The following KHDRBS2 variants were observed in gnomAD, a reference collection of about 807,000 sequenced individuals.
KHDRBS2 encodes KH domain-containing, RNA-binding, signal transduction-associated protein 2.
A neutral mutation model predicts 44.3 loss-of-function variants in KHDRBS2; 26 were observed. That is an observed-to-expected ratio of 0.59 (90% CI 0.43 to 0.81). The LOEUF (loss-of-function observed/expected upper bound fraction) is 0.81. Ranked by LOEUF, KHDRBS2 falls within the 40% of genes least tolerant of loss-of-function variation. KHDRBS2 has a pLI of 0.00. For synonymous variants in KHDRBS2, 194 were observed against 151.1 expected, an observed-to-expected ratio of 1.28 and a Z score of -2.08; for missense variants, 476 against 433.1, an observed-to-expected ratio of 1.10 and a Z score of -0.88.
intron 7 of KHDRBS2, among the ~76,000 whole-genome samples, chr6:61,719,890 C>A (rs9444418): frequency 2.6e-5 from 4 of 152,038 alleles, no homozygotes; most frequent in Non-Finnish European, 4.4e-5. Context: ...AACTCGTCAT[C>A]TAGCATTAGG....
At chr6:61,596,540 AGT>A in the KHDRBS2 span, among the ~76,000 whole-genome samples, 40 of 152,176 alleles carry the variant, frequency 2.6e-4, no homozygotes, top group Middle Eastern at 3.4e-3. Flanking sequence ...GCTTCCAAAG[AGT>A]GTTTCTTTTC....
At chr6:61,552,444 C>T in the KHDRBS2 span, among the ~76,000 whole-genome samples, 2 of 152,074 alleles carry the variant, frequency 1.3e-5, no homozygotes, top group African/African-American at 2.4e-5. Context: ...GGTATAGAAT[C>T]GTATTGTCTG....
At chr6:62,190,436 A>G (rs1193587757) in intron 1 of KHDRBS2, among the ~76,000 whole-genome samples, 2 of 152,044 alleles carry the variant, frequency 1.3e-5, no homozygotes, top group Non-Finnish European at 2.9e-5. Flanking sequence ...TCTTGAGACC[A>G]TCAGTACTGC....
chr6:61,639,974 C>T, the KHDRBS2 span, among the ~76,000 whole-genome samples: 13 of 151,958 alleles, frequency 8.6e-5, no homozygotes, highest in Non-Finnish European at 1.6e-4. Context: ...GATGTGTGGA[C>T]CTTGTTTGGA....
In KHDRBS2 at chr6:61,698,207, A is replaced by G. The variant is rs538520825; in HGVS notation, c.894-954T>C. 1.2e-4 allele frequency among the ~76,000 whole-genome samples: 19 copies of G among 152,278 alleles called. No individual in the cohort carries two copies. The South Asian group carries it at 3.7e-3, about 30-fold the overall frequency. On this transcript the variant is annotated intron_variant, in intron 7 of 8. Transcript: ENST00000281156. ...ATTCTGCAAACATTTCACTTGCTTC[A>G]GATATCTCCTCTTTCATGGGTCTTC... is the stretch of plus-strand genomic sequence containing the variant.
intron 6 of KHDRBS2, among the ~76,000 whole-genome samples, chr6:61,738,065 T>C (rs561378183): frequency 1.3e-5 from 2 of 152,114 alleles, no homozygotes; most frequent in African/African-American, 2.4e-5. Flanking sequence ...TCTGAAATGA[T>C]ACTTTTTCCG....
chr6:62,244,317 G>A (rs907459457), intron 1 of KHDRBS2, among the ~76,000 whole-genome samples: 17 of 151,902 alleles, frequency 1.1e-4, no homozygotes, highest in Non-Finnish European at 7.4e-5. Flanking sequence ...AAATTTGATG[G>A]AACTTGCCTG....
intron 1 of KHDRBS2, among the ~76,000 whole-genome samples, chr6:62,266,293 G>C (rs573481094): frequency 6.6e-6 from 1 of 151,992 alleles, no homozygotes; most frequent in Admixed American, 6.6e-5. Flanking sequence ...ACGAGCCAGG[G>C]CCTATATATT....
intron 6 of KHDRBS2, chr6:61,816,885 T>C: frequency 2.2e-6 from 1 of 452,902 alleles, no homozygotes; most frequent in Non-Finnish European, 4.4e-6. Flanking sequence ...AACCATACAC[T>C]TTTACAATTT....
At chr6:61,550,295 G>T in the KHDRBS2 span, among the ~76,000 whole-genome samples, 1 of 152,094 alleles carries the variant, frequency 6.6e-6, no homozygotes, top group South Asian at 2.1e-4. Flanking sequence ...AGAACGTGTG[G>T]TATTTGGTTT....
At chr6:61,673,486 C>G in the KHDRBS2 span, among the ~76,000 whole-genome samples, 1 of 149,966 alleles carries the variant, frequency 6.7e-6, no homozygotes, top group Non-Finnish European at 1.5e-5. Flanking sequence ...GTCAAATTGT[C>G]CCTGTTTGCA....
intron 6 of KHDRBS2, among the ~76,000 whole-genome samples, chr6:61,868,637 A>G (rs1798133363): frequency 6.6e-6 from 1 of 151,800 alleles, no homozygotes; most frequent in African/African-American, 2.4e-5. Context: ...GGGTCGGGGG[A>G]AGGTCCCTTC....
At chr6:62,216,046 T>C (rs908979241) in intron 1 of KHDRBS2, among the ~76,000 whole-genome samples, 2 of 151,756 alleles carry the variant, frequency 1.3e-5, no homozygotes, top group African/African-American at 4.8e-5. Flanking sequence ...ATTTTGTACT[T>C]TATAAAGATG....
chr6:62,190,210 C>T (rs781367218), intron 1 of KHDRBS2, among the ~76,000 whole-genome samples: 4 of 152,068 alleles, frequency 2.6e-5, no homozygotes, highest in Admixed American at 6.6e-5. Flanking sequence ...ACTGACTCAT[C>T]CTACTGAGAA....
the KHDRBS2 span, among the ~76,000 whole-genome samples, chr6:61,657,492 G>A: frequency 6.6e-6 from 1 of 151,938 alleles, no homozygotes; most frequent in South Asian, 2.1e-4. Context: ...GTGCTGGAAA[G>A]ACATATGCAA....
intron 1 of KHDRBS2, among the ~76,000 whole-genome samples, chr6:62,233,226 G>A (rs62414792): frequency 0.055 from 8,357 of 152,194 alleles, 277 homozygotes; most frequent in Admixed American, 0.075. Context: ...TAATGAGTAA[G>A]TGGGTAAAAT....
intron 3 of KHDRBS2, among the ~76,000 whole-genome samples, chr6:62,022,799 T>C (rs1782590172): frequency 6.6e-6 from 1 of 151,730 alleles, no homozygotes; most frequent in African/African-American, 2.4e-5. Context: ...TAGTATATAT[T>C]TTTCTCTTAC....
At chr6:62,240,535 G>A (rs1834426457) in intron 1 of KHDRBS2, among the ~76,000 whole-genome samples, 1 of 150,238 alleles carries the variant, frequency 6.7e-6, no homozygotes, top group African/African-American at 2.4e-5. Flanking sequence ...CACACAATTA[G>A]ATATATAATA....
chr6:62,153,213 G>C (rs1193038403), intron 2 of KHDRBS2, among the ~76,000 whole-genome samples: 1 of 152,174 alleles, frequency 6.6e-6, no homozygotes, highest in Non-Finnish European at 1.5e-5. Flanking sequence ...AGCCTACTTA[G>C]TATTTTAAAC....
Sources: allele counts gnomAD v4.1 joint callset (sites outside exome capture counted in the v4.1 genomes callset), GRCh38; gene constraint gnomAD v4.1.1; transcripts MANE v1.5; gene names NCBI Gene and HGNC (gene_info 2026-07-23, HGNC 2026-07-21).